PDZD9: variants seen among roughly 807,000 people sequenced by gnomAD.
The protein encoded by PDZD9 is PDZ domain-containing protein 9.
PDZD9 carries 13 observed loss-of-function variants against 16.3 expected under a neutral mutation model. The ratio of observed to expected loss-of-function variants is 0.80; its 90% CI spans 0.52 to 1.27. The LOEUF (loss-of-function observed/expected upper bound fraction) is 1.27, where lower values mean the gene tolerates loss of function less well. Among genes scored for constraint, PDZD9 ranks in the 50% most tolerant of loss-of-function variants. The pLI is 0.00. For synonymous variants in PDZD9, 120 were observed against 111.0 expected (o/e 1.08, Z -0.51); for missense variants, 288 against 310.9 (o/e 0.93, Z 0.55).
Position 21,988,678 on chromosome 16 carries a change from G to T in PDZD9, c.325C>A (p.Arg109=), listed in dbSNP as rs116138437. 5.5e-4 allele frequency: 885 copies of T among 1,613,056 alleles called. 7 individuals are homozygous for T. Among genetic ancestry groups the T allele is most frequent in the African/African-American group, 5.4e-3 (404 of 74,996 alleles). ...IGTVLQIKVY[R]DFINIPEEWQ... is the part of the protein sequence containing the mutation. Reference sequence around the variant, plus strand: ...TCTTCAGGAATGTTAATAAAATCTCGGTAAACCTTGATTTGTAGCACTGTT... The same window carrying T: ...TCTTCAGGAATGTTAATAAAATCTCTGTAAACCTTGATTTGTAGCACTGTT... The change falls in exon 3 of 4, where the codon CGA becomes AGA. Residue 109 remains arginine (R), a synonymous_variant. Transcript: ENST00000424898.
the PDZD9 span, among the ~76,000 whole-genome samples, chr16:21,969,470 T>C: frequency 6.6e-6 from 1 of 152,162 alleles, no homozygotes; most frequent in Non-Finnish European, 1.5e-5. Context: ...AGGCAGTGAT[T>C]GCAGTGAGCT....
At chr16:21,992,019 G>A (rs779040678) in intron 2 of PDZD9, among the ~76,000 whole-genome samples, 4 of 152,056 alleles carry the variant, frequency 2.6e-5, no homozygotes, top group African/African-American at 7.2e-5. Flanking sequence ...ATCTCTCTAC[G>A]CCTCTGTATT....
chr16:21,971,786 G>A, the PDZD9 span: 3 of 1,357,334 alleles, frequency 2.2e-6, no homozygotes, highest in East Asian at 4.7e-5. Context: ...TGTGTTTGGG[G>A]ACAGGATGGC....
the PDZD9 span, chr16:21,962,789 G>A: frequency 6.2e-7 from 1 of 1,614,132 alleles, no homozygotes; most frequent in Admixed American, 1.7e-5. Context: ...CCTGCTCAAT[G>A]TCACCACAGC....
chr16:21,990,850 G>A (rs916794381), intron 2 of PDZD9, among the ~76,000 whole-genome samples: 1 of 152,314 alleles, frequency 6.6e-6, no homozygotes, highest in East Asian at 1.9e-4. Context: ...GTCAGCATGT[G>A]AATGTGATTA....
intron 3 of PDZD9, among the ~76,000 whole-genome samples, chr16:21,986,918 G>C (rs550541196): frequency 6.6e-6 from 1 of 152,230 alleles, no homozygotes; most frequent in South Asian, 2.1e-4. Context: ...AGACCCTGAG[G>C]CAAAACAAAA....
chr16:21,990,662 A>G (rs117132166), intron 2 of PDZD9, among the ~76,000 whole-genome samples: 196 of 152,318 alleles, frequency 1.3e-3, no homozygotes, highest in Non-Finnish European at 2.3e-3. Flanking sequence ...AAACAAAACA[A>G]AACAAAAACA....
At chr16:21,968,281 C>T in the PDZD9 span, among the ~76,000 whole-genome samples, 1 of 152,178 alleles carries the variant, frequency 6.6e-6, no homozygotes, top group Non-Finnish European at 1.5e-5. Context: ...GGATTACAGA[C>T]ATGAGCTACT....
intron 2 of PDZD9, among the ~76,000 whole-genome samples, chr16:21,989,031 T>C (rs1004396141): frequency 1.3e-5 from 2 of 149,718 alleles, no homozygotes; most frequent in South Asian, 4.2e-4. Flanking sequence ...CAGGTTCAAG[T>C]GGTTCTCCTG....
At chr16:21,963,535 CT>C in the PDZD9 span, among the ~76,000 whole-genome samples, 2 of 152,050 alleles carry the variant, frequency 1.3e-5, no homozygotes, top group Admixed American at 6.6e-5. Flanking sequence ...GTGGCACAAT[CT>C]CACTGCAGCC....
At chr16:21,988,549 C>A in intron 3 of PDZD9, 53 bp downstream of exon 3, 3 of 1,436,418 alleles carry the variant, frequency 2.1e-6, no homozygotes, top group Non-Finnish European at 2.9e-6. Context: ...CTATGCCTCA[C>A]AGGCCCTGGG....
At chr16:21,987,441 T>C (rs1898906093) in intron 3 of PDZD9, among the ~76,000 whole-genome samples, 1 of 151,716 alleles carries the variant, frequency 6.6e-6, no homozygotes, top group Non-Finnish European at 1.5e-5. Flanking sequence ...AAAATACAGT[T>C]TTGGTGATAA....
At chr16:21,964,180 A>G in the PDZD9 span, among the ~76,000 whole-genome samples, 6 of 152,160 alleles carry the variant, frequency 3.9e-5, no homozygotes, top group African/African-American at 7.2e-5. Context: ...GAGGAGCATT[A>G]TCTTTGTTGC....
the PDZD9 span, among the ~76,000 whole-genome samples, chr16:21,972,945 C>CA: frequency 2.3e-4 from 35 of 152,166 alleles, no homozygotes; most frequent in Admixed American, 2.1e-3. Flanking sequence ...ACTAAAAATA[C>CA]AAAAATTGTC....
In PDZD9 at chr16:21,996,340, C is replaced by A. The variant is rs566476922; in HGVS notation, c.193G>T (p.Asp65Tyr). ...HLIRKGAAAN[D>Y]GKLQPGDVLI... ...CAATCACCTGGCTGGAGTTTCCCGTCGTTGGCTGCAGCCCCCTTCCTGATG... is the reference window on the plus strand; with the variant it reads ...CAATCACCTGGCTGGAGTTTCCCGTAGTTGGCTGCAGCCCCCTTCCTGATG... Residue 65 changes from aspartate (D) to tyrosine (Y), a missense_variant, in exon 2 of 4, where the codon GAC (aspartate) becomes TAC (tyrosine). Asp to Tyr is a radical substitution (Grantham distance 160). Coordinates refer to ENST00000424898, the MANE Select transcript of PDZD9 (RefSeq NM_001363519.1). 2.7e-5 allele frequency: 42 copies of A among 1,535,634 alleles called. No individual in the cohort carries two copies. The African/African-American group carries it at 4.6e-4, about 17-fold the overall frequency.
chr16:21,981,884 A>G (rs1233424651), downstream of PDZD9, among the ~76,000 whole-genome samples: 5 of 146,368 alleles, frequency 3.4e-5, no homozygotes, highest in East Asian at 1.0e-3. Flanking sequence ...TCTGTTGCCC[A>G]GGCTGGAGTG....
At chr16:21,974,357 C>T in the PDZD9 span, among the ~76,000 whole-genome samples, 6 of 152,170 alleles carry the variant, frequency 3.9e-5, no homozygotes, top group East Asian at 1.2e-3. Flanking sequence ...AAAACTAAAG[C>T]TCAATTTCTG....
At chr16:21,985,828 T>A (rs1349825120) in intron 3 of PDZD9, among the ~76,000 whole-genome samples, 1 of 152,208 alleles carries the variant, frequency 6.6e-6, no homozygotes, top group Non-Finnish European at 1.5e-5. Flanking sequence ...CTTCCAGTAA[T>A]AAACAGTTGA....
chr16:21,992,164 G>A (rs1299743219), intron 2 of PDZD9, among the ~76,000 whole-genome samples: 3 of 152,092 alleles, frequency 2.0e-5, no homozygotes, highest in African/African-American at 7.2e-5. Context: ...AGGGGTTCGA[G>A]GCTGCAGTGA....
Sources: gnomAD v4.1 joint callset for allele counts (sites outside exome capture counted in the v4.1 genomes callset) on GRCh38, gnomAD v4.1.1 for gene constraint, MANE v1.5 for transcripts, NCBI Gene and HGNC (gene_info 2026-07-23, HGNC 2026-07-21) for gene names.